The following TBC1D22B variants were observed in gnomAD, a reference collection of about 807,000 sequenced individuals.
TBC1D22B encodes chromosome 6 open reading frame 197.
A neutral mutation model predicts 69.1 loss-of-function variants in TBC1D22B; 32 were observed. That is an observed-to-expected ratio of 0.46 (90% CI 0.35 to 0.62). The LOEUF is 0.62. TBC1D22B is among the 20% of genes least tolerant of loss of function. TBC1D22B has a pLI of 0.00. For synonymous variants in TBC1D22B, 206 were observed against 229.8 expected, an observed-to-expected ratio of 0.90 and a Z score of 0.94; for missense variants, 462 against 630.9, an observed-to-expected ratio of 0.73 and a Z score of 2.87.
At chr6:37,325,862 G>T (rs914376495) in intron 12 of TBC1D22B, among the ~76,000 whole-genome samples, 5 of 152,206 alleles carry the variant, frequency 3.3e-5, no homozygotes. Context: ...CATTGTTGCA[G>T]CATGAGGACA....
intron 3 of TBC1D22B, 148 bp downstream of exon 3, chr6:37,279,759 TGA>T (rs1766770292): frequency 6.6e-6 from 6 of 907,668 alleles, no homozygotes; most frequent in Admixed American, 6.0e-5. Context: ...TCATTAAGCC[TGA>T]GTGGTCACAA....
intron 12 of TBC1D22B, among the ~76,000 whole-genome samples, chr6:37,330,086 G>A (rs990088819): frequency 4.6e-5 from 7 of 152,106 alleles, no homozygotes; most frequent in African/African-American, 9.7e-5. Flanking sequence ...GCATTAGTGC[G>A]TTAGCTATTC....
intron 2 of TBC1D22B, among the ~76,000 whole-genome samples, chr6:37,274,803 C>A (rs1271043918): frequency 6.6e-6 from 1 of 152,200 alleles, no homozygotes; most frequent in African/African-American, 2.4e-5. Context: ...GTAATCCCAA[C>A]GCTTTGAGAG....
At position 37,261,832 on chromosome 6, in the gene TBC1D22B, C is replaced by T. The variant is rs572760422; in HGVS notation, c.56+3859C>T. The stretch of plus-strand genomic sequence containing the variant: ...GGTGGATCATTTGAGGTCAGGAGTT[C>T]GAGACCAGCCTGGCCAACATGGTGA... On this transcript the variant is annotated intron_variant, in intron 1 of 12. Transcript: ENST00000373491. Among the ~76,000 whole-genome samples the T allele has an allele frequency of 3.3e-5, 5 of 151,578 alleles. No individual in the cohort carries two copies. The South Asian group carries it at 6.3e-4, about 19-fold the overall frequency.
intron 1 of TBC1D22B, among the ~76,000 whole-genome samples, chr6:37,264,899 G>A (rs996363817): frequency 4.6e-5 from 7 of 152,166 alleles, no homozygotes; most frequent in Non-Finnish European, 1.0e-4. Flanking sequence ...CTGAGTTTGG[G>A]TTTGGAAGGA....
chr6:37,278,417 A>G (rs1292465215), intron 2 of TBC1D22B, among the ~76,000 whole-genome samples: 1 of 152,258 alleles, frequency 6.6e-6, no homozygotes, highest in Non-Finnish European at 1.5e-5. Flanking sequence ...GTTTTCTGCC[A>G]GTAGTTTATG....
chr6:37,318,852 G>A (rs561104261), intron 12 of TBC1D22B, among the ~76,000 whole-genome samples: 6 of 152,188 alleles, frequency 3.9e-5, no homozygotes, highest in Non-Finnish European at 8.8e-5. Context: ...TGGGGGTGGC[G>A]AGTGTATTGC....
chr6:37,327,081 T>G (rs1768427499), intron 12 of TBC1D22B, among the ~76,000 whole-genome samples: 1 of 151,806 alleles, frequency 6.6e-6, no homozygotes, highest in African/African-American at 2.4e-5. Context: ...GGGAAGGAGG[T>G]AGGAAGCAGC....
intron 12 of TBC1D22B, among the ~76,000 whole-genome samples, chr6:37,322,176 G>A (rs1768270866): frequency 6.6e-6 from 1 of 152,192 alleles, no homozygotes; most frequent in Admixed American, 6.5e-5. Flanking sequence ...CTGCCCAGAG[G>A]ACAGGGCCAT....
At chr6:37,314,774 G>GCCCACC (rs1768027704) in intron 10 of TBC1D22B, among the ~76,000 whole-genome samples, 1 of 145,884 alleles carries the variant, frequency 6.9e-6, no homozygotes, top group African/African-American at 2.5e-5. Flanking sequence ...CTTACCTGCT[G>GCCCACC]CCCACCCCCA....
intron 2 of TBC1D22B, among the ~76,000 whole-genome samples, chr6:37,274,355 T>A (rs1267815350): frequency 2.6e-5 from 4 of 152,242 alleles, no homozygotes; most frequent in African/African-American, 9.6e-5. Context: ...ATGCTTGATC[T>A]TTTGTACTCC....
intron 2 of TBC1D22B, among the ~76,000 whole-genome samples, chr6:37,270,103 T>G (rs186147428): frequency 7.0e-4 from 107 of 152,202 alleles, no homozygotes; most frequent in African/African-American, 2.5e-3. Context: ...ATTCTTTAGT[T>G]CCTCTTTCCC....
At chr6:37,280,718 C>T (rs928975473) in intron 3 of TBC1D22B, among the ~76,000 whole-genome samples, 3 of 152,218 alleles carry the variant, frequency 2.0e-5, no homozygotes, top group Admixed American at 6.5e-5. Context: ...TTTCTCCTGC[C>T]GGCATCTGTC....
At chr6:37,296,745 A>C (rs757211500) in intron 8 of TBC1D22B, among the ~76,000 whole-genome samples, 3 of 152,038 alleles carry the variant, frequency 2.0e-5, no homozygotes, top group Admixed American at 2.0e-4. Flanking sequence ...TTTATGCATA[A>C]ATTTTTTATA....
At chr6:37,309,835 G>T (rs1767848156) in intron 8 of TBC1D22B, among the ~76,000 whole-genome samples, 1 of 151,962 alleles carries the variant, frequency 6.6e-6, no homozygotes, top group South Asian at 2.1e-4. Context: ...CTAGAGGTAT[G>T]TACAGGAACA....
chr6:37,288,094 T>G (rs1391220226), intron 7 of TBC1D22B, among the ~76,000 whole-genome samples: 1 of 152,202 alleles, frequency 6.6e-6, no homozygotes, highest in Non-Finnish European at 1.5e-5. Flanking sequence ...TAGAGAGGGA[T>G]GGTGGTTAAA....
chr6:37,331,031 T>C lies in TBC1D22B; in HGVS notation c.1390-13T>C, dbSNP rs1285157972. On this transcript the variant is annotated splice_polypyrimidine_tract_variant and intron_variant, in intron 12 of 12. Coordinates refer to ENST00000373491, the MANE Select transcript of TBC1D22B (RefSeq NM_017772.4). ...GGTCTGGTATGATATAAAAGTCCTTTCTTGCATTCCAGGGTCTCCTCATGC... is the reference window on the plus strand; with the variant it reads ...GGTCTGGTATGATATAAAAGTCCTTCCTTGCATTCCAGGGTCTCCTCATGC... 6.2e-7 allele frequency: 1 copy of C among 1,613,880 alleles called. No homozygotes were observed. The highest frequency in any genetic ancestry group is 8.5e-7 in the Non-Finnish European group (1 of 1,179,858).
intron 10 of TBC1D22B, among the ~76,000 whole-genome samples, chr6:37,316,421 C>T (rs1472200206): frequency 6.6e-6 from 1 of 152,204 alleles, no homozygotes; most frequent in African/African-American, 2.4e-5. Flanking sequence ...CCTCATTATC[C>T]TCTGCTTTGT....
chr6:37,261,978 TGTGTGTGTGTGTG>T (rs1766116014), intron 1 of TBC1D22B, among the ~76,000 whole-genome samples: 1 of 141,008 alleles, frequency 7.1e-6, no homozygotes, highest in African/African-American at 2.9e-5. Context: ...TGTGTGTGTG[TGTGTGTGTGTGTG>T]TGTGTCTAGA....
Sources: gnomAD v4.1 joint callset for allele counts (sites outside exome capture counted in the v4.1 genomes callset) on GRCh38, gnomAD v4.1.1 for gene constraint, MANE v1.5 for transcripts, NCBI Gene and HGNC (gene_info 2026-07-23, HGNC 2026-07-21) for gene names.